The following GPBP1 variants were observed in gnomAD, a reference collection of about 807,000 sequenced individuals.
The protein encoded by GPBP1 is vasculin.
A neutral mutation model predicts 56.5 loss-of-function variants in GPBP1; 13 were observed. That is an observed-to-expected ratio of 0.23 (90% CI 0.15 to 0.37). The LOEUF (loss-of-function observed/expected upper bound fraction) is 0.37, where lower values mean the gene tolerates loss of function less well. Ranked by LOEUF, GPBP1 falls within the 10% of genes least tolerant of loss-of-function variation. The probability of loss-of-function intolerance (pLI) is 1.00; values close to 1 mark genes in which losing one functional copy is unlikely to be tolerated. For synonymous variants in GPBP1, 204 were observed against 188.9 expected, an observed-to-expected ratio of 1.08 and a Z score of -0.66; for missense variants, 477 against 572.3, an observed-to-expected ratio of 0.83 and a Z score of 1.70.
intron 3 of GPBP1, among the ~76,000 whole-genome samples, chr5:57,219,386 A>C (rs889729771): frequency 2.9e-4 from 17 of 58,402 alleles, no homozygotes; most frequent in East Asian, 5.8e-4. Context: ...AAAAAAAAAA[A>C]AAAAAAAAAA....
In GPBP1 at chr5:57,231,295, C is replaced by A; in HGVS notation, c.385C>A (p.Arg129Ser). 1 of 1,613,514 alleles carries A rather than the reference C, an allele frequency of 6.2e-7. No homozygotes were observed. The highest frequency in any genetic ancestry group is 8.5e-7 in the Non-Finnish European group (1 of 1,179,650). Residue 129 changes from arginine to serine, a missense_variant, in exon 5 of 12, where the codon CGC (arginine) becomes AGC (serine). Coordinates refer to ENST00000506184, the MANE Select transcript of GPBP1 (RefSeq NM_022913.4). ...ETGRKEDKRE[R>S]KQFEAEDFPS... ...CGGGAGGAAAGAAGACAAGAGAGAA[C>A]GCAAACAGTTTGAAGCTGAGGATTT...
chr5:57,217,291 G>A (rs970187996), intron 3 of GPBP1, among the ~76,000 whole-genome samples: 6 of 152,210 alleles, frequency 3.9e-5, no homozygotes, highest in Non-Finnish European at 5.9e-5. Flanking sequence ...AACAACTACT[G>A]CCTGGGTGCG....
chr5:57,225,006 C>G (rs2111821953), intron 3 of GPBP1, among the ~76,000 whole-genome samples: 1 of 152,132 alleles, frequency 6.6e-6, no homozygotes, highest in Non-Finnish European at 1.5e-5. Flanking sequence ...CCATCTCATT[C>G]ACATCTTACC....
In GPBP1 at chr5:57,249,577, G is replaced by T. The variant is rs746238351; in HGVS notation, c.972+1G>T. Reference sequence around the variant, plus strand: ...TGAAAGCCGTGCTGGCTCAGAGAAGGTAATTGAATTTATAGCAATACTTGA... The same window carrying T: ...TGAAAGCCGTGCTGGCTCAGAGAAGTTAATTGAATTTATAGCAATACTTGA... On this transcript the variant is annotated splice_donor_variant, in intron 9 of 11. Transcript: ENST00000506184. LOFTEE classifies it high-confidence loss of function. 6.3e-7 allele frequency: 1 copy of T among 1,598,144 alleles called. No individual in the cohort carries two copies. The highest frequency in any genetic ancestry group is 8.5e-7 in the Non-Finnish European group (1 of 1,174,522).
intron 2 of GPBP1, among the ~76,000 whole-genome samples, chr5:57,206,718 A>G (rs575064939): frequency 1.3e-5 from 2 of 152,268 alleles, no homozygotes; most frequent in Non-Finnish European, 2.9e-5. Context: ...TCCAATGGCT[A>G]TTTAGTTGTC....
At chr5:57,207,901 C>G (rs1241857813) in intron 2 of GPBP1, among the ~76,000 whole-genome samples, 1 of 152,078 alleles carries the variant, frequency 6.6e-6, no homozygotes, top group East Asian at 1.9e-4. Context: ...CCTGGACATC[C>G]AGCTATTTGT....
chr5:57,224,418 T>A (rs571411121), intron 3 of GPBP1, among the ~76,000 whole-genome samples: 7 of 152,012 alleles, frequency 4.6e-5, no homozygotes, highest in African/African-American at 1.7e-4. Flanking sequence ...AATTTTTGTA[T>A]TTTTAGTAGA....
At chr5:57,217,593 C>CA (rs911150597) in intron 3 of GPBP1, among the ~76,000 whole-genome samples, 2 of 151,660 alleles carry the variant, frequency 1.3e-5, no homozygotes, top group Admixed American at 1.3e-4. Context: ...ACAAAAAACA[C>CA]AAAAAAACAC....
chr5:57,177,846 A>C (rs1323923449), intron 2 of GPBP1, among the ~76,000 whole-genome samples: 1 of 151,866 alleles, frequency 6.6e-6, no homozygotes, highest in Non-Finnish European at 1.5e-5. Context: ...CTAACATCAT[A>C]ACTTGTCAGT....
intron 10 of GPBP1, among the ~76,000 whole-genome samples, chr5:57,260,511 T>TA (rs1224736864): frequency 2.0e-5 from 3 of 152,204 alleles, no homozygotes; most frequent in African/African-American, 7.2e-5. Flanking sequence ...ACTGATGTCT[T>TA]ACCTTTGTGG....
intron 10 of GPBP1, among the ~76,000 whole-genome samples, chr5:57,258,616 G>A (rs570733689): frequency 7.2e-4 from 110 of 152,238 alleles, no homozygotes; most frequent in Middle Eastern, 3.4e-3. Context: ...TGTTTAGGGG[G>A]GAAAGGGAAA....
chr5:57,199,713 G>A (rs17734925), intron 2 of GPBP1, among the ~76,000 whole-genome samples: 8,036 of 152,132 alleles, frequency 0.053, 272 homozygotes, highest in Non-Finnish European at 0.081. Flanking sequence ...TTTTCTGAAA[G>A]CATACTTCCA....
At chr5:57,217,936 A>G (rs771562400) in intron 3 of GPBP1, among the ~76,000 whole-genome samples, 66 of 152,054 alleles carry the variant, frequency 4.3e-4, no homozygotes, top group Non-Finnish European at 7.9e-4. Flanking sequence ...ATACTAGTTA[A>G]TTTCTTTTCA....
At chr5:57,183,640 C>T (rs1262903202) in intron 2 of GPBP1, among the ~76,000 whole-genome samples, 1 of 151,984 alleles carries the variant, frequency 6.6e-6, no homozygotes, top group Admixed American at 6.6e-5. Flanking sequence ...AGAACCGCCC[C>T]CCCATCTCAA....
chr5:57,179,053 C>G (rs1009523836), intron 2 of GPBP1, among the ~76,000 whole-genome samples: 2 of 152,256 alleles, frequency 1.3e-5, no homozygotes, highest in Admixed American at 6.5e-5. Context: ...GGGGCTGAGA[C>G]TGGGAGAAAG....
chr5:57,223,233 C>T (rs968406495), intron 3 of GPBP1, among the ~76,000 whole-genome samples: 2 of 151,970 alleles, frequency 1.3e-5, no homozygotes, highest in East Asian at 1.9e-4. Flanking sequence ...CGGGACTACA[C>T]GCGTGTGCCA....
chr5:57,230,741 C>T (rs556277257), intron 3 of GPBP1, 105 bp from the exon 4 acceptor site: 226 of 950,750 alleles, frequency 2.4e-4, no homozygotes, highest in Non-Finnish European at 3.4e-4. Context: ...ATATGTTTTT[C>T]TTAATCATTT....
At chr5:57,182,394 A>G (rs1754091438) in intron 2 of GPBP1, among the ~76,000 whole-genome samples, 1 of 150,102 alleles carries the variant, frequency 6.7e-6, no homozygotes, top group South Asian at 2.1e-4. Flanking sequence ...TTTTTTTGAG[A>G]TGGAGTCTCA....
chr5:57,200,782 C>T (rs571049062), intron 2 of GPBP1, among the ~76,000 whole-genome samples: 8 of 152,194 alleles, frequency 5.3e-5, no homozygotes, highest in African/African-American at 7.2e-5. Flanking sequence ...CCCGGGTTCA[C>T]GCCATTCTCC....
Sources: allele counts gnomAD v4.1 joint callset (sites outside exome capture counted in the v4.1 genomes callset), GRCh38; gene constraint gnomAD v4.1.1; transcripts MANE v1.5; gene names NCBI Gene and HGNC (gene_info 2026-07-23, HGNC 2026-07-21).